The following FMN1 variants were observed in gnomAD, a reference collection of about 807,000 sequenced individuals.
FMN1 encodes formin-1.
FMN1 carries 110 observed loss-of-function variants against 132.4 expected under a neutral mutation model. The observed-to-expected ratio is 0.83, with a 90% CI of 0.71 to 0.97. FMN1 has a LOEUF of 0.97. Ranked by LOEUF, FMN1 falls within the 50% of genes least tolerant of loss-of-function variation. The pLI, the probability that FMN1 is intolerant of heterozygous loss-of-function variation, is 0.00. For missense variants in FMN1, 1,792 were observed against 1,705.3 expected (o/e 1.05, Z -0.90); for synonymous variants, 722 against 651.7 (o/e 1.11, Z -1.64).
intron 4 of FMN1, among the ~76,000 whole-genome samples, chr15:33,121,563 T>G (rs1164844338): frequency 6.6e-6 from 1 of 152,218 alleles, no homozygotes. Flanking sequence ...ATAGTCTTGC[T>G]CTGTCGCCAG....
chr15:32,793,446 A>G (rs2140952876), intron 19 of FMN1, among the ~76,000 whole-genome samples: 1 of 152,038 alleles, frequency 6.6e-6, no homozygotes, highest in East Asian at 1.9e-4. Context: ...CACCCAGCCA[A>G]GTTTTGTATT....
intron 3 of FMN1, among the ~76,000 whole-genome samples, chr15:33,158,407 A>C (rs985822877): frequency 6.6e-6 from 1 of 152,124 alleles, no homozygotes; most frequent in African/African-American, 2.4e-5. Context: ...CAATAAAGCC[A>C]CAATGCAAGG....
intron 9 of FMN1, among the ~76,000 whole-genome samples, chr15:32,942,795 T>C (rs16961678): frequency 0.013 from 1,990 of 152,270 alleles, 42 homozygotes; most frequent in African/African-American, 0.046. Flanking sequence ...GAGAGTTTTT[T>C]CAAATACAGC....
In FMN1 at chr15:32,830,444, G is replaced by A. The variant is rs114360025; in HGVS notation, c.3929-26112C>T. ...AGTTTAATTTTCCTTTTTGAGTCCTGTTTTCACCTCTAGATGAATTTGCTT... is the reference window on the plus strand; with the variant it reads ...AGTTTAATTTTCCTTTTTGAGTCCTATTTTCACCTCTAGATGAATTTGCTT... On this transcript the variant is annotated intron_variant, in intron 17 of 20. Transcript: ENST00000616417. Among the ~76,000 whole-genome samples, 776 of 152,132 alleles carry A rather than the reference G, an allele frequency of 5.1e-3. 11 individuals carry two copies. The highest frequency in any genetic ancestry group is 0.017 in the African/African-American group (723 of 41,502).
At chr15:32,947,631 C>T (rs190395083) in intron 9 of FMN1, among the ~76,000 whole-genome samples, 90 of 152,064 alleles carry the variant, frequency 5.9e-4, no homozygotes, top group African/African-American at 2.0e-3. Flanking sequence ...TATTGGCTTT[C>T]CCATTCATGA....
intron 4 of FMN1, among the ~76,000 whole-genome samples, chr15:33,096,604 T>A (rs1439234206): frequency 6.9e-6 from 1 of 144,978 alleles, no homozygotes; most frequent in Non-Finnish European, 1.5e-5. Context: ...ACAAATCTAC[T>A]TTTTTTTTTT....
chr15:32,948,945 CTTTTAATTT>C (rs2061565931), intron 9 of FMN1, among the ~76,000 whole-genome samples: 1 of 151,728 alleles, frequency 6.6e-6, no homozygotes, highest in Non-Finnish European at 1.5e-5. Flanking sequence ...CTAATATTTC[CTTTTAATTT>C]CTTTGATTTT....
chr15:33,136,193 G>A (rs1963758353), intron 4 of FMN1, among the ~76,000 whole-genome samples: 1 of 152,174 alleles, frequency 6.6e-6, no homozygotes, highest in South Asian at 2.1e-4. Context: ...TAACATCAAT[G>A]TTGTCCCTCT....
chr15:32,816,679 T>C (rs1463013485), intron 17 of FMN1, among the ~76,000 whole-genome samples: 1 of 148,864 alleles, frequency 6.7e-6, no homozygotes, highest in Non-Finnish European at 1.5e-5. Flanking sequence ...TGATTCTTTA[T>C]AGGTTCCTGC....
intron 17 of FMN1, among the ~76,000 whole-genome samples, chr15:32,834,175 C>T (rs2058570269): frequency 1.3e-5 from 2 of 152,188 alleles, no homozygotes; most frequent in South Asian, 2.1e-4. Flanking sequence ...TTTTCTTAAA[C>T]TTCTGTCTGG....
chr15:32,790,527 C>T (rs946458427), intron 19 of FMN1, among the ~76,000 whole-genome samples: 1 of 152,204 alleles, frequency 6.6e-6, no homozygotes, highest in Non-Finnish European at 1.5e-5. Context: ...ACTCTACACT[C>T]TGGTATTCTG....
At chr15:33,105,824 C>T (rs760056190) in intron 4 of FMN1, 1 of 151,778 alleles carries the variant, frequency 6.6e-6, no homozygotes, top group African/African-American at 2.4e-5. Flanking sequence ...AAAAAAACTT[C>T]TCAGCAACGA....
chr15:33,065,309 A>G (rs891468764), intron 5 of FMN1, among the ~76,000 whole-genome samples: 9 of 152,220 alleles, frequency 5.9e-5, no homozygotes, highest in African/African-American at 2.2e-4. Flanking sequence ...GGCTAAGTAT[A>G]TATCACACAA....
chr15:32,867,512 T>G (rs1365357528), intron 16 of FMN1, among the ~76,000 whole-genome samples: 4 of 152,032 alleles, frequency 2.6e-5, no homozygotes, highest in Non-Finnish European at 4.4e-5. Context: ...TCATCAGGTT[T>G]TTTTTTTTTG....
intron 17 of FMN1, among the ~76,000 whole-genome samples, chr15:32,848,384 C>A (rs1378758862): frequency 6.6e-6 from 1 of 151,982 alleles, no homozygotes; most frequent in African/African-American, 2.4e-5. Flanking sequence ...GTCTTGAGCT[C>A]TCAATGCCTT....
chr15:33,101,135 A>C (rs1185106315), intron 4 of FMN1, among the ~76,000 whole-genome samples: 1 of 152,204 alleles, frequency 6.6e-6, no homozygotes, highest in East Asian at 1.9e-4. Flanking sequence ...AAAAAGGTAG[A>C]AAATGGATTT....
chr15:32,913,177 A>C (rs996050413), intron 10 of FMN1, among the ~76,000 whole-genome samples: 8 of 152,174 alleles, frequency 5.3e-5, no homozygotes, highest in Non-Finnish European at 1.0e-4. Context: ...TATTAACAGG[A>C]AAGGTCTATG....
chr15:33,083,565 G>A (rs1008906568), intron 5 of FMN1, among the ~76,000 whole-genome samples: 35 of 152,164 alleles, frequency 2.3e-4, no homozygotes, highest in African/African-American at 7.7e-4. Context: ...AGGGACAGAC[G>A]CTCTTGTGCT....
chr15:33,056,715 T>G (rs2037233125), intron 6 of FMN1, among the ~76,000 whole-genome samples: 1 of 152,196 alleles, frequency 6.6e-6, no homozygotes, highest in South Asian at 2.1e-4. Context: ...TCCACCAGCA[T>G]TAGAACTGGA....
Sources: gnomAD v4.1 joint callset for allele counts (sites outside exome capture counted in the v4.1 genomes callset) on GRCh38, gnomAD v4.1.1 for gene constraint, MANE v1.5 for transcripts, NCBI Gene and HGNC (gene_info 2026-07-23, HGNC 2026-07-21) for gene names.